The following UVSSA variants were observed in gnomAD, a reference collection of about 807,000 sequenced individuals.
UVSSA encodes UV stimulated scaffold protein A.
UVSSA carries 72 observed loss-of-function variants against 73.9 expected under a neutral mutation model. The observed-to-expected ratio is 0.97, with a 90% CI of 0.81 to 1.19. The LOEUF (loss-of-function observed/expected upper bound fraction) is 1.19, where lower values mean the gene tolerates loss of function less well. UVSSA is among the 50% of genes most tolerant of loss of function. The probability of loss-of-function intolerance (pLI) is 0.00; values close to 1 mark genes in which losing one functional copy is unlikely to be tolerated. For synonymous variants in UVSSA, 454 were observed against 391.3 expected, an observed-to-expected ratio of 1.16 and a Z score of -1.89; for missense variants, 1,150 against 965.0, an observed-to-expected ratio of 1.19 and a Z score of -2.54.
intron 7 of UVSSA, chr4:1,359,368 G>T (rs1716281970): frequency 6.6e-6 from 1 of 152,218 alleles, no homozygotes; most frequent in African/African-American, 2.4e-5. Flanking sequence ...GGGTGGGTGT[G>T]ATCATCCGTG....
At chr4:1,350,603 C>T (rs995904911) in intron 3 of UVSSA, among the ~76,000 whole-genome samples, 6 of 152,218 alleles carry the variant, frequency 3.9e-5, no homozygotes, top group African/African-American at 1.2e-4. Context: ...CGGGCTCAGA[C>T]AGCAGAGAGA....
At chr4:1,377,068 G>A (rs1718865268) in intron 10 of UVSSA, among the ~76,000 whole-genome samples, 1 of 152,216 alleles carries the variant, frequency 6.6e-6, no homozygotes, top group African/African-American at 2.4e-5. Context: ...ATGCTGCGGG[G>A]TCTGCGGGGC....
At chr4:1,350,090 T>C (rs1714464352) in intron 3 of UVSSA, among the ~76,000 whole-genome samples, 1 of 152,004 alleles carries the variant, frequency 6.6e-6, no homozygotes, top group African/African-American at 2.4e-5. Context: ...ATAAGCTTTA[T>C]GTGTGGGTGG....
intron 9 of UVSSA, 129 bp from the exon 10 acceptor site, chr4:1,375,905 G>C: frequency 7.1e-7 from 1 of 1,404,582 alleles, no homozygotes; most frequent in Non-Finnish European, 9.5e-7. Flanking sequence ...CAGGCGTCGT[G>C]TGGCAGAAGC....
intron 10 of UVSSA, among the ~76,000 whole-genome samples, chr4:1,376,573 A>C (rs1577363314): frequency 6.6e-6 from 1 of 151,958 alleles, no homozygotes; most frequent in Non-Finnish European, 1.5e-5. Context: ...GTGTGTCCAG[A>C]CCTCAGGCGG....
At chr4:1,388,057 AT>A (rs1255263143), downstream of UVSSA, 1 of 151,868 alleles carries the variant, frequency 6.6e-6, no homozygotes, top group East Asian at 1.9e-4. Context: ...TGAGCTTCTG[AT>A]TATCTTTCCA....
chr4:1,355,314 G>T, intron 7 of UVSSA, 69 bp downstream of exon 7: 3 of 1,448,556 alleles, frequency 2.1e-6, no homozygotes, highest in Non-Finnish European at 2.8e-6. Flanking sequence ...GCTGTGGGGG[G>T]GTTGTGCCCT....
chr4:1,346,892 C>A (rs1386094456), upstream of UVSSA, among the ~76,000 whole-genome samples: 3 of 152,242 alleles, frequency 2.0e-5, no homozygotes, highest in African/African-American at 7.2e-5. Flanking sequence ...GCGTCCCCCT[C>A]CCCACCCCCG....
At chr4:1,393,121 TC>T (rs1720444090) in exon 14 of UVSSA, 1 of 152,202 alleles carries the variant, frequency 6.6e-6, no homozygotes, top group African/African-American at 2.4e-5. Flanking sequence ...TTTCCTTTAT[TC>T]CGGAATTTTT....
At chr4:1,374,307 G>T (rs1282691250) in intron 8 of UVSSA, among the ~76,000 whole-genome samples, 1 of 152,216 alleles carries the variant, frequency 6.6e-6, no homozygotes, top group Non-Finnish European at 1.5e-5. Flanking sequence ...CACCTCCTGT[G>T]CCTCCTGCCA....
At chr4:1,394,931 G>T in exon 14 of UVSSA, 1 of 1,419,410 alleles carries the variant, frequency 7.0e-7, no homozygotes, top group Non-Finnish European at 9.6e-7. Context: ...CTGCTCACAC[G>T]TGCCCATGCG....
At chr4:1,359,882 C>T (rs1047806528) in intron 7 of UVSSA, among the ~76,000 whole-genome samples, 1 of 152,150 alleles carries the variant, frequency 6.6e-6, no homozygotes, top group Non-Finnish European at 1.5e-5. Flanking sequence ...CCTGTCAGCC[C>T]CTGGGATCGA....
Position 1,386,591 on chromosome 4 carries a change from T to C in UVSSA, c.*630T>C. On this transcript the variant is annotated 3_prime_UTR_variant, in exon 14 of 14. Coordinates refer to ENST00000389851, the MANE Select transcript of UVSSA (RefSeq NM_020894.4). ...TTGTGCACCCATGTTCACAGCAGCATTGGAGAAGGATACCGAACATCTTCT... is the reference window on the plus strand; with the variant it reads ...TTGTGCACCCATGTTCACAGCAGCACTGGAGAAGGATACCGAACATCTTCT... The C allele has an allele frequency of 6.6e-6, 1 of 152,430 alleles. No individual in the cohort carries two copies. Among genetic ancestry groups the C allele is most frequent in the East Asian group, 1.9e-4 (1 of 5,202 alleles). 9.4% of individuals were successfully genotyped at this position (152,430 alleles called of 1,614,324 possible).
chr4:1,380,019 C>G, intron 10 of UVSSA, 28 bp from the exon 11 acceptor site: 1 of 1,572,966 alleles, frequency 6.4e-7, no homozygotes, highest in South Asian at 1.2e-5. Context: ...CCTGCAGATG[C>G]TATGAGGGCC....
chr4:1,343,842 G>C (rs1358458141), upstream of UVSSA, among the ~76,000 whole-genome samples: 1 of 152,110 alleles, frequency 6.6e-6, no homozygotes, highest in African/African-American at 2.4e-5. Flanking sequence ...TTTGCCTCTG[G>C]TATCATTTTC....
intron 7 of UVSSA, among the ~76,000 whole-genome samples, chr4:1,357,459 C>G (rs759080079): frequency 6.6e-6 from 1 of 152,252 alleles, no homozygotes; most frequent in Non-Finnish European, 1.5e-5. Context: ...CTGGGATGCC[C>G]TCCAAGTGGG....
At chr4:1,395,756 A>G (rs1475078712) in exon 14 of UVSSA, 1 of 1,614,200 alleles carries the variant, frequency 6.2e-7, no homozygotes, top group East Asian at 2.2e-5. Context: ...CGGCCGAGTC[A>G]GACGCTGTTA....
At position 1,380,076 on chromosome 4, in the gene UVSSA, C is replaced by T; in HGVS notation, c.1598C>T (p.Pro533Leu). The T allele has an allele frequency of 2.5e-6, 4 of 1,610,982 alleles. No individual in the cohort carries two copies. Among genetic ancestry groups the T allele is most frequent in the Non-Finnish European group, 1.7e-6 (2 of 1,178,920 alleles). Reference protein sequence around the residue: ...KSDSQHRFWKPSEVEEEVVNA... With the variant: ...KSDSQHRFWKLSEVEEEVVNA... ...GACTCCCAGCACCGCTTCTGGAAGC[C>T]CAGCGAGGTGGAGGAGGAAGTGGTC... The change falls in exon 11 of 14, where the codon CCC (proline) becomes CTC (leucine). Residue 533 changes from proline (P) to leucine (L), a missense_variant. Transcript: ENST00000389851.
upstream of UVSSA, among the ~76,000 whole-genome samples, chr4:1,347,041 A>C (rs969430023): frequency 1.7e-4 from 26 of 152,032 alleles, no homozygotes; most frequent in East Asian, 5.1e-3. Flanking sequence ...CGGGGCCTTG[A>C]CCGGAAAGGG....
Sources: allele counts gnomAD v4.1 joint callset (sites outside exome capture counted in the v4.1 genomes callset), GRCh38; gene constraint gnomAD v4.1.1; transcripts MANE v1.5; gene names NCBI Gene and HGNC (gene_info 2026-07-23, HGNC 2026-07-21).